Variants in FGFRL1 observed in about 807,000 individuals in gnomAD.
FGFRL1 encodes fibroblast growth factor receptor-like 1.
In FGFRL1, 24 loss-of-function variants were observed where a neutral mutation model predicts 36.8. That is an observed-to-expected ratio of 0.65 (90% CI 0.47 to 0.92). The LOEUF is 0.92. Among genes scored for constraint, FGFRL1 ranks in the 40% least tolerant of loss-of-function variants. The pLI, the probability that FGFRL1 is intolerant of heterozygous loss-of-function variation, is 0.00. For missense variants in FGFRL1, 785 were observed against 753.4 expected (o/e 1.04, Z -0.49); for synonymous variants, 422 against 344.1 (o/e 1.23, Z -2.50).
At chr4:1,011,170 G>A (rs1442182805), upstream of FGFRL1, 1 of 152,212 alleles carries the variant, frequency 6.6e-6, no homozygotes, top group Non-Finnish European at 1.5e-5. Context: ...AGCAACCAGA[G>A]AGCGGTCTGG....
At chr4:1,019,808 G>C (rs1716078223) in intron 2 of FGFRL1, among the ~76,000 whole-genome samples, 1 of 152,212 alleles carries the variant, frequency 6.6e-6, no homozygotes. Flanking sequence ...GTGAGTCAGA[G>C]AAGAGACCCC....
intron 2 of FGFRL1, 66 bp downstream of exon 2, chr4:1,012,630 C>T: frequency 1.4e-6 from 1 of 694,578 alleles, no homozygotes; most frequent in Non-Finnish European, 2.2e-6. Context: ...CCGCCCGGCC[C>T]TGAACCCTGC....
chr4:1,019,401 C>A (rs1358085167), intron 2 of FGFRL1, among the ~76,000 whole-genome samples: 7 of 152,234 alleles, frequency 4.6e-5, no homozygotes, highest in African/African-American at 1.7e-4. Context: ...GGCCCAGGCA[C>A]CCCTGCAGGC....
chr4:1,014,607 G>C (rs1252452087), intron 2 of FGFRL1, among the ~76,000 whole-genome samples: 1 of 142,424 alleles, frequency 7.0e-6, no homozygotes, highest in Non-Finnish European at 1.5e-5. Context: ...TCGGCTCCCT[G>C]TGGGGGCAAG....
rs750115262 is a variant in FGFRL1 at position 1,024,584 on chromosome 4, A to G, written c.992A>G (p.Asp331Gly). The part of the protein sequence containing the change: ...NKLLITRARQ[D>G]DAGMYICLGA... ...CTGCTCATCACCCGTGCCCGCCAGG[A>G]CGATGCGGGCATGTACATCTGCCTT... Residue 331 changes from aspartate to glycine, a missense_variant, in exon 6 of 7, where the codon GAC (aspartate) becomes GGC (glycine). By Grantham distance (94) the Asp-to-Gly change is moderately conservative. Coordinates refer to ENST00000510644, the MANE Select transcript of FGFRL1 (RefSeq NM_001004356.3). The G allele has an allele frequency of 1.9e-6, 3 of 1,612,242 alleles. No individual in the cohort carries two copies. The highest frequency in any genetic ancestry group is 3.3e-5 in the Admixed American group (2 of 59,986).
chr4:1,025,397 CTG>C lies in FGFRL1; in HGVS notation c.*51_*52del. On this transcript the variant is annotated 3_prime_UTR_variant, in exon 7 of 7. Coordinates refer to ENST00000510644, the MANE Select transcript of FGFRL1 (RefSeq NM_001004356.3). ...CGGGGGGGCCGGCCAGACAGGCAGA[CTG>C]GGAGGATGGAGGACGGAGCTGCAGA... The C allele has an allele frequency of 1.3e-6, 2 of 1,504,682 alleles. No homozygotes were observed. The highest frequency in any genetic ancestry group is 1.4e-5 in the African/African-American group (1 of 72,434). 93.2% of individuals were successfully genotyped at this position (1,504,682 alleles called of 1,614,324 possible). A position where few individuals can be genotyped will look rare whatever the true frequency, so the allele number is the denominator to read the frequency against.
At chr4:1,021,956 TG>T (rs1716204379) in intron 2 of FGFRL1, among the ~76,000 whole-genome samples, 1 of 152,224 alleles carries the variant, frequency 6.6e-6, no homozygotes, top group Non-Finnish European at 1.5e-5. Flanking sequence ...GCCACGGGGC[TG>T]CCCCGGCCAT....
At chr4:1,018,855 C>G (rs1716028918) in intron 2 of FGFRL1, among the ~76,000 whole-genome samples, 3 of 151,874 alleles carry the variant, frequency 2.0e-5, no homozygotes, top group Admixed American at 2.0e-4. Context: ...TGCGGGGGGT[C>G]TTGGGCCGGC....
intron 2 of FGFRL1, among the ~76,000 whole-genome samples, chr4:1,015,729 G>T (rs1715853807): frequency 6.6e-6 from 1 of 152,246 alleles, no homozygotes; most frequent in Non-Finnish European, 1.5e-5. Context: ...CCTTGTGTGT[G>T]GCGTGGGGCC....
At chr4:1,014,582 G>C (rs1715785492) in intron 2 of FGFRL1, among the ~76,000 whole-genome samples, 1 of 152,162 alleles carries the variant, frequency 6.6e-6, no homozygotes. Flanking sequence ...TGCCTGGGGG[G>C]TAGCGGGGTC....
At chr4:1,020,234 C>G (rs187302852) in intron 2 of FGFRL1, among the ~76,000 whole-genome samples, 1 of 152,346 alleles carries the variant, frequency 6.6e-6, no homozygotes. Context: ...TCTTGGTGTT[C>G]TGCACGCAGC....
Position 1,026,165 on chromosome 4 carries a change from G to T in FGFRL1, c.*818G>T, listed in dbSNP as rs1019308082. ...GCAGATATTGCCTGGACACACACAT[G>T]TGCACAGATATGCTGTCTGGACATG... is the stretch of plus-strand genomic sequence containing the variant. On this transcript the variant is annotated 3_prime_UTR_variant, in exon 7 of 7. Coordinates refer to ENST00000510644, the MANE Select transcript of FGFRL1 (RefSeq NM_001004356.3). The T allele has an allele frequency of 2.0e-5, 3 of 150,842 alleles. No homozygotes were observed. Among genetic ancestry groups the T allele is most frequent in the Non-Finnish European group, 2.8e-5 (2 of 70,950 alleles). The allele number at this position is 150,842 out of a possible 1,614,324, so 9.3% of individuals were successfully genotyped here.
In FGFRL1 at chr4:1,026,344, G is replaced by A. The variant is rs1716533538; in HGVS notation, c.*997G>A. 7.2e-6 allele frequency: 1 copy of A among 138,648 alleles called. No homozygotes were observed. The highest frequency in any genetic ancestry group is 7.2e-5 in the Admixed American group (1 of 13,880). The allele number at this position is 138,648 out of a possible 1,614,324, so 8.6% of individuals were successfully genotyped here. The stretch of plus-strand genomic sequence containing the variant: ...ACGTGCTTTTGGGAGGGTGTGCCGT[G>A]AAGCCTGCAGTACGTGTGCCGTGAG... On this transcript the variant is annotated 3_prime_UTR_variant, in exon 7 of 7. Transcript: ENST00000510644.
intron 2 of FGFRL1, among the ~76,000 whole-genome samples, chr4:1,018,706 C>T (rs1716022727): frequency 6.6e-6 from 1 of 152,194 alleles, no homozygotes. Context: ...GTGCCTGTGC[C>T]CTCAGGTCCT....
Position 1,024,416 on chromosome 4 carries a change from A to T in FGFRL1, c.824A>T (p.Lys275Met). Reference protein sequence around the residue: ...SFQCKVRSDVKPVIQWLKRVE... With the variant: ...SFQCKVRSDVMPVIQWLKRVE... ...CAGTGCAAGGTGCGCAGCGACGTGA[A>T]GCCGGTGATCCAGTGGCTGAAGCGC... is the stretch of plus-strand genomic sequence containing the variant. Residue 275 changes from lysine (K) to methionine (M), a missense_variant, in exon 6 of 7, where the codon AAG becomes ATG. Transcript: ENST00000510644. The T allele has an allele frequency of 1.9e-6, 3 of 1,612,608 alleles. No homozygotes were observed. Among genetic ancestry groups the T allele is most frequent in the Non-Finnish European group, 2.5e-6 (3 of 1,179,864 alleles).
Position 1,023,783 on chromosome 4 carries a change from C to A in FGFRL1, c.434-34C>A, listed in dbSNP as rs373523843. On this transcript the variant is annotated intron_variant, in intron 4 of 6. Coordinates refer to ENST00000510644, the MANE Select transcript of FGFRL1 (RefSeq NM_001004356.3). This position sits in a 1 kb window ranked among gnomAD's most constrained non-coding sequence, Gnocchi z 6.0. ...TGTCCCGGCCCCTTGGCTGCATCCC[C>A]GTCCTCTGACCTCCACGCCACCCCA... The A allele has an allele frequency of 1.3e-6, 2 of 1,561,424 alleles. No homozygotes were observed. The highest frequency in any genetic ancestry group is 1.7e-6 in the Non-Finnish European group (2 of 1,153,180).
In FGFRL1 at chr4:1,021,572, C is replaced by T. The variant is rs549216472; in HGVS notation, c.80-631C>T. 2.9e-4 allele frequency among the ~76,000 whole-genome samples: 44 copies of T among 152,260 alleles called. 1 individual carries two copies. In the East Asian group the frequency reaches 7.0e-3, roughly 24 times the overall value. On this transcript the variant is annotated intron_variant, in intron 2 of 6. Transcript: ENST00000510644. ...AACTCAGGTCTGATATTGACACAGA[C>T]GTGGGTGCTGCACAGACTCTCATCC...
In FGFRL1 at chr4:1,022,841, G is replaced by A. The variant is rs1159309568; in HGVS notation, c.352+366G>A. On this transcript the variant is annotated intron_variant, in intron 3 of 6. Transcript: ENST00000510644. ...GGTTTCGGAGTTCAGAGGAGCCGCC[G>A]GGATGCGTGGCCTTTCTGTTCTCTT... Among the ~76,000 whole-genome samples the A allele has an allele frequency of 5.3e-5, 8 of 152,052 alleles. No individual in the cohort carries two copies. The South Asian group carries it at 6.2e-4, about 12-fold the overall frequency.
At chr4:1,011,377 G>T, upstream of FGFRL1, 1 of 147,534 alleles carries the variant, frequency 6.8e-6, no homozygotes. Context: ...CCGGGGGCGC[G>T]GCGAGGCTCG....
Sources: gnomAD v4.1 joint callset for allele counts (sites outside exome capture counted in the v4.1 genomes callset) on GRCh38, gnomAD v4.1.1 for gene constraint, Gnocchi (gnomAD v3.1) non-coding constraint, MANE v1.5 for transcripts, NCBI Gene and HGNC (gene_info 2026-07-23, HGNC 2026-07-21) for gene names.